Variants in SPTA1 observed in about 807,000 individuals in gnomAD.
The protein encoded by SPTA1 is spectrin alpha chain, erythrocytic 1.
Under a neutral mutation model 324.7 loss-of-function variants are expected in SPTA1, and 177 were observed. The observed-to-expected ratio is 0.55, with a 90% CI of 0.48 to 0.62. The LOEUF (loss-of-function observed/expected upper bound fraction) is 0.62, where lower values mean the gene tolerates loss of function less well. Ranked by LOEUF, SPTA1 falls within the 20% of genes least tolerant of loss-of-function variation. The pLI is 0.00. For synonymous variants in SPTA1, 1,195 were observed against 1,041.3 expected, an observed-to-expected ratio of 1.15 and a Z score of -2.84; for missense variants, 3,162 against 2,883.6, an observed-to-expected ratio of 1.10 and a Z score of -2.21.
Position 158,644,079 on chromosome 1 carries a change from G to A in SPTA1, c.4338+174C>T, listed in dbSNP as rs146858984. Among the ~76,000 whole-genome samples the A allele has an allele frequency of 2.1e-3, 319 of 150,982 alleles. 2 individuals are homozygous for A. Among genetic ancestry groups the A allele is most frequent in the African/African-American group, 7.5e-3 (306 of 41,042 alleles). ...TTGAACCCGGGAGGCAGAGGTTGCA[G>A]TCAGCCGAGATCACACCACTGCACT... On this transcript the variant is annotated intron_variant, in intron 30 of 51. Coordinates refer to ENST00000643759, the MANE Select transcript of SPTA1 (RefSeq NM_003126.4).
At chr1:158,629,336 C>A (rs1286945913) in intron 39 of SPTA1, among the ~76,000 whole-genome samples, 1 of 151,516 alleles carries the variant, frequency 6.6e-6, no homozygotes, top group East Asian at 1.9e-4. Context: ...GATTATATAC[C>A]ACAAACAAGC....
At chr1:158,652,747 A>C in intron 22 of SPTA1, 94 bp from the exon 23 acceptor site, 1 of 1,408,000 alleles carries the variant, frequency 7.1e-7, no homozygotes. Flanking sequence ...AGGAACAAAA[A>C]TGAAAGGGAA....
intron 29 of SPTA1, 67 bp downstream of exon 29, chr1:158,645,121 A>G (rs542495007): frequency 1.3e-6 from 2 of 1,544,256 alleles, no homozygotes; most frequent in African/African-American, 2.7e-5. Flanking sequence ...GCCTGTAATG[A>G]CCATATGAAA....
At chr1:158,668,499 T>G (rs903285244) in intron 14 of SPTA1, among the ~76,000 whole-genome samples, 4 of 152,068 alleles carry the variant, frequency 2.6e-5, no homozygotes, top group Non-Finnish European at 2.9e-5. Context: ...CTTCACAAAA[T>G]GAAATGCAAG....
Position 158,652,635 on chromosome 1 carries a change from A to T in SPTA1, c.3207T>A (p.Asp1069Glu). The T allele has an allele frequency of 6.2e-7, 1 of 1,614,138 alleles. No individual in the cohort carries two copies. The highest frequency in any genetic ancestry group is 8.5e-7 in the Non-Finnish European group (1 of 1,180,030). ...QIENQYRSLLDRAEERRRRLL... is the reference protein window; with the variant it reads ...QIENQYRSLLERAEERRRRLL... ...GACGACGTCTGCGTTCTTCTGCCCG[A>T]TCCAAGAGGGAGCGGTATCTGGATG... The change falls in exon 23 of 52, where the codon GAT (aspartate) becomes GAA (glutamate). Residue 1069 changes from aspartate (D) to glutamate (E), a missense_variant. Coordinates refer to ENST00000643759, the MANE Select transcript of SPTA1 (RefSeq NM_003126.4).
At position 158,674,385 on chromosome 1, in the gene SPTA1, T is replaced by C. The variant is rs537208656; in HGVS notation, c.1294A>G (p.Thr432Ala). ...YDDRFQSADE[T>A]GQDLVNANHE... ...TTGGCATTCACGAGGTCTTGACCAG[T>C]CTCATCAGCAGATTGAAATCGGTCA... The change falls in exon 10 of 52, where the codon ACT (threonine) becomes GCT (alanine). Residue 432 changes from threonine (T) to alanine (A), a missense_variant. By Grantham distance (58) the Thr-to-Ala change is moderately conservative. Coordinates refer to ENST00000643759, the MANE Select transcript of SPTA1 (RefSeq NM_003126.4). The C allele has an allele frequency of 1.5e-5, 24 of 1,614,122 alleles. No homozygotes were observed. The East Asian group carries it at 5.3e-4, about 36-fold the overall frequency.
rs1172408575 is a variant in SPTA1, at chr1:158,612,953, T to C, written c.6998A>G (p.Tyr2333Cys). 1.9e-6 allele frequency: 3 copies of C among 1,613,740 alleles called. No individual in the cohort carries two copies. The highest frequency in any genetic ancestry group is 2.2e-5 in the East Asian group (1 of 44,868). Residue 2333 changes from tyrosine to cysteine, a missense_variant, in exon 51 of 52, where the codon TAT becomes TGT. Coordinates refer to ENST00000643759, the MANE Select transcript of SPTA1 (RefSeq NM_003126.4). ...LDAVDPGRKG[Y>C]VSLEDYTAFL... is the part of the protein sequence containing the mutation. ...AGCAGTATAGTCCTCCAGTGAGACA[T>C]AGCCCTTCCTGTGGGAGAAATGGAT... is the stretch of plus-strand genomic sequence containing the variant.
intron 7 of SPTA1, among the ~76,000 whole-genome samples, chr1:158,676,947 A>AAAC (rs991803728): frequency 2.0e-5 from 3 of 152,144 alleles, no homozygotes; most frequent in Admixed American, 6.6e-5. Context: ...AAAAGACCAA[A>AAAC]AACAACAACA....
chr1:158,661,448 G>A (rs372946506), intron 17 of SPTA1, 39 bp from the exon 18 acceptor site: 1 of 1,613,140 alleles, frequency 6.2e-7, no homozygotes, highest in African/African-American at 1.3e-5. Flanking sequence ...GGATTATCCT[G>A]GTGTATGGAA....
intron 2 of SPTA1, 103 bp downstream of exon 2, chr1:158,685,005 A>C (rs1003785979): frequency 2.2e-5 from 30 of 1,383,332 alleles, no homozygotes; most frequent in Middle Eastern, 1.8e-4. Context: ...ACGGAATCTA[A>C]TTGTACCCAC....
Position 158,686,556 on chromosome 1 carries a change from T to TAAGA in SPTA1, c.-40_-39insTCTT. On this transcript the variant is annotated 5_prime_UTR_variant, in exon 1 of 52. An upstream open reading frame in the 5' UTR loses its in-frame stop. Transcript: ENST00000643759. ...TTAGAACCTGGCAAGATAAAATGTG[T>TAAGA]CAGAGAGAGAGAGAGAGAGAAATAA... 1 of 1,411,964 alleles carries TAAGA rather than the reference T, an allele frequency of 7.1e-7. No homozygotes were observed. The highest frequency in any genetic ancestry group is 1.2e-5 in the South Asian group (1 of 84,956). 87.5% of individuals were successfully genotyped at this position (1,411,964 alleles called of 1,614,324 possible).
intron 48 of SPTA1, 124 bp downstream of exon 48, chr1:158,615,091 AC>A: frequency 9.6e-7 from 1 of 1,037,402 alleles, no homozygotes; most frequent in South Asian, 1.4e-5. Flanking sequence ...GGCAGTAAAG[AC>A]CCAGAATATT....
intron 3 of SPTA1, among the ~76,000 whole-genome samples, chr1:158,682,325 T>C (rs1242355873): frequency 2.0e-5 from 3 of 152,206 alleles, no homozygotes; most frequent in Admixed American, 6.5e-5. Flanking sequence ...ACCACATATG[T>C]CGTTAAACCC....
At chr1:158,651,909 C>CTCTGTGTG (rs972758420) in intron 23 of SPTA1, among the ~76,000 whole-genome samples, 6 of 145,022 alleles carry the variant, frequency 4.1e-5, no homozygotes, top group African/African-American at 1.5e-4. Context: ...CTCTCTCTCT[C>CTCTGTGTG]TGTGTGTGTG....
At chr1:158,628,052 A>T (rs1650401028) in intron 39 of SPTA1, among the ~76,000 whole-genome samples, 1 of 152,172 alleles carries the variant, frequency 6.6e-6, no homozygotes, top group Admixed American at 6.5e-5. Context: ...GATTTATCTA[A>T]TTCAATGAAA....
At position 158,638,221 on chromosome 1, in the gene SPTA1, A is replaced by C. The variant is rs1242984985; in HGVS notation, c.5001T>G (p.Asn1667Lys). ...TGGAGAGCAAATCTTCAGCCAATGT[A>C]TTCAGGTCCTTGAGTGCATCCTAGA... ...LAREDALKDL[N>K]TLAEDLLSSG... Residue 1667 changes from asparagine to lysine, a missense_variant, in exon 36 of 52, where the codon AAT becomes AAG. Transcript: ENST00000643759. The C allele has an allele frequency of 8.1e-6, 13 of 1,612,896 alleles. No homozygotes were observed. Among genetic ancestry groups the C allele is most frequent in the Non-Finnish European group, 1.1e-5 (13 of 1,179,938 alleles).
intron 32 of SPTA1, 101 bp from the exon 33 acceptor site, chr1:158,642,643 C>A: frequency 6.3e-7 from 1 of 1,579,358 alleles, no homozygotes. Context: ...TCTATCATAA[C>A]TGAGGTGACG....
chr1:158,685,698 C>A, intron 1 of SPTA1, among the ~76,000 whole-genome samples: 1 of 152,060 alleles, frequency 6.6e-6, no homozygotes, highest in South Asian at 2.1e-4. Context: ...AATGTTATTG[C>A]TTTCAAGGGC....
chr1:158,660,316 G>A (rs558223227), intron 18 of SPTA1, among the ~76,000 whole-genome samples: 1 of 152,124 alleles, frequency 6.6e-6, no homozygotes, highest in Non-Finnish European at 1.5e-5. Context: ...CAGAGTGCAA[G>A]CAAAAAGATG....
Sources: allele counts gnomAD v4.1 joint callset (sites outside exome capture counted in the v4.1 genomes callset), GRCh38; gene constraint gnomAD v4.1.1; transcripts MANE v1.5; gene names NCBI Gene and HGNC (gene_info 2026-07-23, HGNC 2026-07-21).